The following RARB variants were observed in gnomAD, a reference collection of about 807,000 sequenced individuals.
The protein encoded by RARB is HBV-activated protein.
A neutral mutation model predicts 51.9 loss-of-function variants in RARB; 17 were observed. That is an observed-to-expected ratio of 0.33 (90% CI 0.22 to 0.49). The LOEUF (loss-of-function observed/expected upper bound fraction) is 0.49, where lower values mean the gene tolerates loss of function less well. Ranked by LOEUF, RARB falls within the 20% of genes least tolerant of loss-of-function variation. The pLI is 0.99. For missense variants in RARB, 369 were observed against 550.8 expected (o/e 0.67, Z 3.30); for synonymous variants, 215 against 195.4 (o/e 1.10, Z -0.84).
intron 2 of RARB, among the ~76,000 whole-genome samples, chr3:24,859,294 G>C (rs1409953835): frequency 6.6e-6 from 1 of 152,150 alleles, no homozygotes; most frequent in African/African-American, 2.4e-5. Flanking sequence ...TTTCTTTGAG[G>C]TTGGGGAGAG....
chr3:25,323,893 A>G (rs909783694), intron 5 of RARB, among the ~76,000 whole-genome samples: 1 of 152,344 alleles, frequency 6.6e-6, no homozygotes, highest in Middle Eastern at 3.4e-3. Flanking sequence ...CTTAAACACC[A>G]TTCACATTCT....
chr3:25,151,691 C>A (rs2125341711), intron 4 of RARB, among the ~76,000 whole-genome samples: 1 of 152,260 alleles, frequency 6.6e-6, no homozygotes, highest in East Asian at 1.9e-4. Flanking sequence ...GTCTATTGTA[C>A]CTTTATTGCC....
At position 25,076,891 on chromosome 3, in the gene RARB, C is replaced by T. The variant is rs561010975; in HGVS notation, c.-328+16715C>T. Among the ~76,000 whole-genome samples the T allele has an allele frequency of 3.3e-5, 5 of 152,252 alleles. No individual in the cohort carries two copies. In the East Asian group the frequency reaches 7.7e-4, roughly 24 times the overall value. ...ACAATGCTTCCCATGAGACATTTCC[C>T]ATGACAGTGGGATTTCTAGGACAAA... is the stretch of plus-strand genomic sequence containing the variant. On this transcript the variant is annotated intron_variant, in intron 3 of 11. Transcript: ENST00000383772.
chr3:25,208,682 T>TC (rs1443406725), intron 5 of RARB, among the ~76,000 whole-genome samples: 1 of 152,118 alleles, frequency 6.6e-6, no homozygotes, highest in East Asian at 1.9e-4. Context: ...GACAATGCTG[T>TC]CTCCTTTTGT....
At chr3:25,418,140 G>C (rs116092491) in intron 5 of RARB, among the ~76,000 whole-genome samples, 3 of 152,168 alleles carry the variant, frequency 2.0e-5, no homozygotes, top group Admixed American at 6.5e-5. Context: ...ACCTAGCTGC[G>C]AAGGAGGCTG....
intron 2 of RARB, among the ~76,000 whole-genome samples, chr3:24,975,333 A>C (rs1368508017): frequency 1.3e-5 from 2 of 152,112 alleles, no homozygotes; most frequent in Non-Finnish European, 2.9e-5. Flanking sequence ...TTGTTTACTC[A>C]GGAAAAAATT....
rs73149124 is a variant in RARB at position 25,055,189 on chromosome 3, C to T, written c.-379-4936C>T. On this transcript the variant is annotated intron_variant, in intron 2 of 11. Coordinates refer to the RARB transcript ENST00000383772. ...AAATTTAAAATACACAACCATGTCA[C>T]GGTTTGGGATTTGTATTTGTAAATT... Among the ~76,000 whole-genome samples, 928 of 152,196 alleles carry T rather than the reference C, an allele frequency of 6.1e-3. 7 individuals are homozygous for T. Among genetic ancestry groups the T allele is most frequent in the African/African-American group, 0.021 (872 of 41,538 alleles).
At chr3:25,157,694 G>A (rs1363358114) in intron 4 of RARB, among the ~76,000 whole-genome samples, 1 of 152,174 alleles carries the variant, frequency 6.6e-6, no homozygotes, top group Non-Finnish European at 1.5e-5. Context: ...ACCATGCCCA[G>A]CCCTAAGTAT....
Position 25,269,318 on chromosome 3 carries a change from G to A in RARB, c.178+94743G>A, listed in dbSNP as rs181178325. ...AACCTATTATTTATTATTCTTTAACGTATATGCCCCACAAAGCTTATCAGT... is the reference window on the plus strand; with the variant it reads ...AACCTATTATTTATTATTCTTTAACATATATGCCCCACAAAGCTTATCAGT... On this transcript the variant is annotated intron_variant, in intron 5 of 11. Coordinates refer to the RARB transcript ENST00000383772. Among the ~76,000 whole-genome samples the A allele has an allele frequency of 5.5e-3, 832 of 152,216 alleles. 3 individuals carry two copies. Among genetic ancestry groups the A allele is most frequent in the Middle Eastern group, 0.014 (4 of 294 alleles).
chr3:25,440,592 G>A (rs938619974), intron 1 of RARB, among the ~76,000 whole-genome samples: 2 of 152,050 alleles, frequency 1.3e-5, no homozygotes, highest in African/African-American at 4.8e-5. Flanking sequence ...TCAATGTGGT[G>A]AAACCCCGTC....
intron 5 of RARB, among the ~76,000 whole-genome samples, chr3:25,359,856 C>T (rs1198540635): frequency 6.6e-6 from 1 of 152,094 alleles, no homozygotes; most frequent in Non-Finnish European, 1.5e-5. Context: ...GTTATGATTT[C>T]TGTTCTTTTG....
At chr3:25,250,117 C>G (rs1376943600) in intron 5 of RARB, among the ~76,000 whole-genome samples, 1 of 152,064 alleles carries the variant, frequency 6.6e-6, no homozygotes, top group Non-Finnish European at 1.5e-5. Flanking sequence ...ATGAACAGAT[C>G]AGTACTCAGG....
chr3:25,050,346 G>T (rs558560450), intron 2 of RARB, among the ~76,000 whole-genome samples: 1 of 152,026 alleles, frequency 6.6e-6, no homozygotes, highest in South Asian at 2.1e-4. Flanking sequence ...ATCATGAAAT[G>T]GTCAGTATTT....
chr3:25,574,629 C>T lies in RARB; in HGVS notation c.609+4711C>T, dbSNP rs558668032. On this transcript the variant is annotated intron_variant, in intron 4 of 7. Coordinates refer to ENST00000330688, the MANE Select transcript of RARB (RefSeq NM_000965.5). ...CCGCTCATCACCAGGTGGGGCCTGG[C>T]GGGAGGTAAGCTGTCCTCCGAGGGG... is the stretch of plus-strand genomic sequence containing the variant. Among the ~76,000 whole-genome samples, 48 of 152,262 alleles carry T rather than the reference C, an allele frequency of 3.2e-4. No homozygotes were observed. The South Asian group carries it at 9.2e-3, about 29-fold the overall frequency.
intron 4 of RARB, among the ~76,000 whole-genome samples, chr3:25,167,108 C>T (rs1464522293): frequency 5.9e-5 from 9 of 152,108 alleles, no homozygotes; most frequent in African/African-American, 2.2e-4. Context: ...TTGAGTGAAC[C>T]GTTTCCTCAT....
intron 2 of RARB, among the ~76,000 whole-genome samples, chr3:25,000,724 C>G (rs1190349537): frequency 6.6e-6 from 1 of 152,064 alleles, no homozygotes; most frequent in African/African-American, 2.4e-5. Context: ...TAAGAATGTT[C>G]CCTCTAAGAG....
intron 5 of RARB, among the ~76,000 whole-genome samples, chr3:25,409,131 G>A (rs984773365): frequency 5.3e-5 from 8 of 152,144 alleles, no homozygotes; most frequent in Non-Finnish European, 7.4e-5. Flanking sequence ...CCTGGGACTC[G>A]CTGGCCTCAG....
chr3:24,944,504 A>G (rs1173581977), intron 2 of RARB, among the ~76,000 whole-genome samples: 1 of 152,154 alleles, frequency 6.6e-6, no homozygotes. Flanking sequence ...TCTAAGGGAG[A>G]TTAACTAAAT....
intron 2 of RARB, among the ~76,000 whole-genome samples, chr3:24,972,474 A>T (rs78036515): frequency 0.01 from 1,569 of 152,018 alleles, 27 homozygotes; most frequent in African/African-American, 0.034. Context: ...TTTCTTTGCT[A>T]TATTGATTTT....
Sources: allele counts gnomAD v4.1 joint callset (sites outside exome capture counted in the v4.1 genomes callset), GRCh38; gene constraint gnomAD v4.1.1; transcripts MANE v1.5; gene names NCBI Gene and HGNC (gene_info 2026-07-23, HGNC 2026-07-21).